Variants in TRPC6 observed in about 807,000 individuals in gnomAD.
The protein encoded by TRPC6 is short transient receptor potential channel 6.
Under a neutral mutation model 90.7 loss-of-function variants are expected in TRPC6, and 55 were observed. The observed-to-expected ratio is 0.61, with a 90% CI of 0.49 to 0.76. The LOEUF is 0.76. TRPC6 is among the 30% of genes least tolerant of loss of function. TRPC6 has a pLI of 0.00. For synonymous variants in TRPC6, 393 were observed against 393.0 expected, an observed-to-expected ratio of 1.00 and a Z score of 0.00; for missense variants, 989 against 1,122.7, an observed-to-expected ratio of 0.88 and a Z score of 1.70.
chr11:101,503,631 C>T (rs4477408), intron 2 of TRPC6, among the ~76,000 whole-genome samples: 69,563 of 151,920 alleles, frequency 0.46, 16,302 homozygotes, highest in African/African-American at 0.54. Context: ...AATAGTGTTT[C>T]GTGGGAGGAA....
At chr11:101,573,807 G>A (rs1014806103) in intron 1 of TRPC6, among the ~76,000 whole-genome samples, 1 of 152,078 alleles carries the variant, frequency 6.6e-6, no homozygotes, top group East Asian at 1.9e-4. Flanking sequence ...TTCATCATCA[G>A]TGCATGTGCC....
intron 1 of TRPC6, among the ~76,000 whole-genome samples, chr11:101,580,740 A>T (rs1169565757): frequency 6.6e-6 from 1 of 152,226 alleles, no homozygotes; most frequent in Non-Finnish European, 1.5e-5. Context: ...AAGACTTGGG[A>T]TCTTATAAGG....
intron 1 of TRPC6, among the ~76,000 whole-genome samples, chr11:101,512,046 C>A (rs1860405852): frequency 6.6e-6 from 1 of 151,938 alleles, no homozygotes; most frequent in Admixed American, 6.6e-5. Flanking sequence ...ATTTTCTCAC[C>A]CTGTTCTCTC....
intron 2 of TRPC6, among the ~76,000 whole-genome samples, chr11:101,492,427 CA>C (rs1275486496): frequency 6.6e-6 from 1 of 151,952 alleles, no homozygotes; most frequent in Non-Finnish European, 1.5e-5. Context: ...CTAAAAAATA[CA>C]GAAAAAATTA....
intron 1 of TRPC6, among the ~76,000 whole-genome samples, chr11:101,516,161 T>A (rs1363552618): frequency 2.7e-5 from 4 of 147,558 alleles, no homozygotes; most frequent in Non-Finnish European, 6.0e-5. Context: ...ACTGTGAAAA[T>A]TTGTGGATTT....
At chr11:101,551,047 C>A (rs11224843) in intron 1 of TRPC6, among the ~76,000 whole-genome samples, 36,907 of 151,580 alleles carry the variant, frequency 0.24, 4,817 homozygotes, top group East Asian at 0.41. Flanking sequence ...CAAATACGTA[C>A]GTACATAGGA....
At chr11:101,478,373 C>T (rs80016123) in intron 5 of TRPC6, among the ~76,000 whole-genome samples, 9,972 of 152,078 alleles carry the variant, frequency 0.066, 445 homozygotes, top group Non-Finnish European at 0.096. Flanking sequence ...CTGTGGTCCC[C>T]GGGCTCCTGT....
intron 1 of TRPC6, among the ~76,000 whole-genome samples, chr11:101,513,727 C>G (rs747649471): frequency 1.1e-4 from 16 of 152,134 alleles, no homozygotes; most frequent in Non-Finnish European, 2.2e-4. Context: ...AAAAAATTAA[C>G]TTGTAACTAA....
chr11:101,474,153 C>T (rs1306493998), intron 6 of TRPC6, among the ~76,000 whole-genome samples: 1 of 152,220 alleles, frequency 6.6e-6, no homozygotes, highest in Non-Finnish European at 1.5e-5. Flanking sequence ...ACTCTCTTGT[C>T]TTCGTGAGAA....
rs1327520193 is a variant in TRPC6, at chr11:101,504,266, C to A, written c.703G>T (p.Val235Leu). The change falls in exon 2 of 13, where the codon GTG becomes TTG. Residue 235 changes from valine to leucine, a missense_variant. This residue lies in a region of TRPC6 where 486 missense variants were observed against 591.9 expected (regional missense o/e 0.82). Transcript: ENST00000344327. ...GCACCCTTCCGCAGGAGGGTATGCA[C>A]AATTTCATATTCCTGGCAGTGGGCA... The part of the protein sequence containing the change: ...LAAHCQEYEI[V>L]HTLLRKGARI... 1 of 1,613,486 alleles carries A rather than the reference C, an allele frequency of 6.2e-7. No homozygotes were observed. Among genetic ancestry groups the A allele is most frequent in the South Asian group, 1.1e-5 (1 of 91,082 alleles).
At chr11:101,526,197 A>C (rs1258107156) in intron 1 of TRPC6, among the ~76,000 whole-genome samples, 1 of 152,112 alleles carries the variant, frequency 6.6e-6, no homozygotes, top group Non-Finnish European at 1.5e-5. Context: ...TTTAACAATG[A>C]CCACTCATAG....
intron 1 of TRPC6, among the ~76,000 whole-genome samples, chr11:101,581,737 T>C (rs1292085636): frequency 6.6e-6 from 1 of 152,226 alleles, no homozygotes; most frequent in Non-Finnish European, 1.5e-5. Context: ...TTCTTGTTTT[T>C]TCTTGTCATA....
chr11:101,498,853 A>T (rs867131507), intron 2 of TRPC6, among the ~76,000 whole-genome samples: 13 of 152,050 alleles, frequency 8.5e-5, no homozygotes, highest in Admixed American at 7.2e-4. Flanking sequence ...CAAGCAAGAG[A>T]GAGTCCCCCT....
chr11:101,460,131 T>C (rs918666931), intron 10 of TRPC6, among the ~76,000 whole-genome samples: 3 of 152,190 alleles, frequency 2.0e-5, no homozygotes, highest in African/African-American at 7.2e-5. Flanking sequence ...GAATATAAAA[T>C]ATTGATCAAA....
At chr11:101,457,938 CCTTTA>C (rs1011344731) in intron 10 of TRPC6, among the ~76,000 whole-genome samples, 2 of 152,084 alleles carry the variant, frequency 1.3e-5, no homozygotes, top group African/African-American at 4.8e-5. Flanking sequence ...TACACATACC[CCTTTA>C]CTTATGATGG....
intron 1 of TRPC6, among the ~76,000 whole-genome samples, chr11:101,542,713 T>C (rs1443852226): frequency 1.3e-5 from 2 of 151,960 alleles, no homozygotes; most frequent in African/African-American, 4.8e-5. Flanking sequence ...TCTATCTTTA[T>C]AGCTAAATTT....
chr11:101,464,615 C>CTT (rs1041336205), intron 10 of TRPC6, among the ~76,000 whole-genome samples: 118 of 151,534 alleles, frequency 7.8e-4, no homozygotes, highest in African/African-American at 2.8e-3. Flanking sequence ...GCAACACCTG[C>CTT]TTTTTTTTTC....
intron 2 of TRPC6, among the ~76,000 whole-genome samples, chr11:101,498,290 T>G (rs978417407): frequency 1.3e-5 from 2 of 152,184 alleles, no homozygotes; most frequent in African/African-American, 2.4e-5. Context: ...CTAAAACTAT[T>G]TATAAAGATT....
At chr11:101,542,992 A>G (rs1281088644) in intron 1 of TRPC6, among the ~76,000 whole-genome samples, 3 of 152,174 alleles carry the variant, frequency 2.0e-5, no homozygotes, top group African/African-American at 7.2e-5. Flanking sequence ...AAAATGCTAA[A>G]AACAAATTAT....
Sources: gnomAD v4.1 joint callset for allele counts (sites outside exome capture counted in the v4.1 genomes callset) on GRCh38, gnomAD v4.1.1 for gene constraint, gnomAD v4.1.1 regional missense constraint, MANE v1.5 for transcripts, NCBI Gene and HGNC (gene_info 2026-07-23, HGNC 2026-07-21) for gene names.